Variants in UTRN observed in about 807,000 individuals in gnomAD.
The protein encoded by UTRN is utrophin.
UTRN carries 283 observed loss-of-function variants against 463.9 expected under a neutral mutation model. That is an observed-to-expected ratio of 0.61 (90% confidence interval 0.55 to 0.67). UTRN has a LOEUF of 0.67. Ranked by LOEUF, UTRN falls within the 30% of genes least tolerant of loss-of-function variation. The probability of loss-of-function intolerance (pLI) is 0.00; values close to 1 mark genes in which losing one functional copy is unlikely to be tolerated. For missense variants in UTRN, 3,922 were observed against 4,084.3 expected, an observed-to-expected ratio of 0.96 and a Z score of 1.08; for synonymous variants, 1,442 against 1,431.5, an observed-to-expected ratio of 1.01 and a Z score of -0.17.
At chr6:144,446,790 C>T (rs1168734552) in intron 14 of UTRN, among the ~76,000 whole-genome samples, 2 of 152,224 alleles carry the variant, frequency 1.3e-5, no homozygotes, top group East Asian at 1.9e-4. Flanking sequence ...CATTAACTAT[C>T]CAAGTGATCT....
At chr6:144,488,227 A>G (rs1163672376) in intron 29 of UTRN, among the ~76,000 whole-genome samples, 2 of 152,290 alleles carry the variant, frequency 1.3e-5, no homozygotes, top group African/African-American at 4.8e-5. Flanking sequence ...AGTGCTGTAA[A>G]TAGTAGTTTG....
intron 2 of UTRN, among the ~76,000 whole-genome samples, chr6:144,327,771 C>T (rs921461232): frequency 2.6e-5 from 4 of 151,864 alleles, no homozygotes; most frequent in South Asian, 2.1e-4. Flanking sequence ...GGCAAAACCC[C>T]GTCTCTACTA....
intron 39 of UTRN, among the ~76,000 whole-genome samples, chr6:144,518,644 C>G (rs1795832921): frequency 6.6e-6 from 1 of 152,120 alleles, no homozygotes; most frequent in Non-Finnish European, 1.5e-5. Flanking sequence ...TATCTTTCTT[C>G]CCTAATGCTT....
chr6:144,470,488 T>A (rs1350040254), intron 23 of UTRN, among the ~76,000 whole-genome samples: 2 of 148,460 alleles, frequency 1.3e-5, no homozygotes, highest in Admixed American at 1.3e-4. Flanking sequence ...GCAGAGACGC[T>A]CCCCACATCC....
chr6:144,670,227 C>G (rs1164338629), intron 51 of UTRN, among the ~76,000 whole-genome samples: 1 of 152,114 alleles, frequency 6.6e-6, no homozygotes, highest in African/African-American at 2.4e-5. Flanking sequence ...AGTGGTTGTA[C>G]TAGTTTATGC....
chr6:144,803,593 A>C (rs952081577), intron 65 of UTRN, among the ~76,000 whole-genome samples: 2 of 151,934 alleles, frequency 1.3e-5, no homozygotes, highest in African/African-American at 4.8e-5. Context: ...ATTTATATTT[A>C]TATTTATGTA....
intron 2 of UTRN, among the ~76,000 whole-genome samples, chr6:144,384,682 T>G (rs918790961): frequency 1.3e-5 from 2 of 152,230 alleles, no homozygotes; most frequent in Non-Finnish European, 2.9e-5. Context: ...TGACTGGCTG[T>G]GTCACTTAGC....
chr6:144,303,280 G>A (rs1197297393), intron 2 of UTRN, among the ~76,000 whole-genome samples: 1 of 152,180 alleles, frequency 6.6e-6, no homozygotes, highest in Non-Finnish European at 1.5e-5. Context: ...TGTGGGATTT[G>A]TTAGTTAGTA....
chr6:144,742,595 TAC>T (rs1301841205), intron 54 of UTRN, among the ~76,000 whole-genome samples: 1 of 152,176 alleles, frequency 6.6e-6, no homozygotes, highest in Non-Finnish European at 1.5e-5. Flanking sequence ...TGAAAATCTC[TAC>T]AGATATCTAA....
intron 23 of UTRN, among the ~76,000 whole-genome samples, chr6:144,464,752 G>A (rs1242152518): frequency 1.3e-5 from 2 of 151,972 alleles, no homozygotes; most frequent in East Asian, 1.9e-4. Flanking sequence ...CACCCTCCTC[G>A]GCCTCCCAAA....
At chr6:144,833,627 C>A (rs1780857378) in intron 69 of UTRN, among the ~76,000 whole-genome samples, 1 of 152,152 alleles carries the variant, frequency 6.6e-6, no homozygotes, top group African/African-American at 2.4e-5. Flanking sequence ...TCTACTATAT[C>A]TTTACGCTTT....
At chr6:144,594,346 C>G (rs1034419600) in intron 51 of UTRN, among the ~76,000 whole-genome samples, 1 of 152,158 alleles carries the variant, frequency 6.6e-6, no homozygotes, top group Non-Finnish European at 1.5e-5. Context: ...ACTGTAGTAT[C>G]TTTCACTACA....
intron 47 of UTRN, among the ~76,000 whole-genome samples, chr6:144,550,426 A>G (rs1160236238): frequency 1.3e-5 from 2 of 152,132 alleles, no homozygotes; most frequent in Non-Finnish European, 1.5e-5. Context: ...TGTTGTTACC[A>G]TTTCTCCCAT....
chr6:144,549,009 C>T (rs1450461370), intron 47 of UTRN, among the ~76,000 whole-genome samples, 155 bp downstream of exon 47: 2 of 152,170 alleles, frequency 1.3e-5, no homozygotes, highest in Non-Finnish European at 2.9e-5. Flanking sequence ...AACTACAAAG[C>T]ATAGAGCTTT....
At chr6:144,402,521 C>T (rs897009548) in intron 2 of UTRN, among the ~76,000 whole-genome samples, 3 of 151,804 alleles carry the variant, frequency 2.0e-5, no homozygotes, top group Admixed American at 6.6e-5. Context: ...AAAACCAAAA[C>T]GGATAATGGT....
intron 2 of UTRN, among the ~76,000 whole-genome samples, chr6:144,344,797 T>C (rs1246101988): frequency 6.6e-6 from 1 of 152,216 alleles, no homozygotes; most frequent in Non-Finnish European, 1.5e-5. Context: ...CGTTTGTACT[T>C]TGGGGGACAG....
intron 53 of UTRN, among the ~76,000 whole-genome samples, chr6:144,722,331 T>TTTC: frequency 6.6e-6 from 1 of 151,826 alleles, no homozygotes; most frequent in East Asian, 1.9e-4. Context: ...TTTTTTTTTT[T>TTTC]AAATATCGCT....
chr6:144,433,303 C>T (rs1381211741), intron 9 of UTRN, among the ~76,000 whole-genome samples: 2 of 149,560 alleles, frequency 1.3e-5, no homozygotes. Context: ...GGGCGGCTGG[C>T]CGGGTGGGGG....
chr6:144,774,960 G>GTATA (rs1775190176), intron 60 of UTRN, among the ~76,000 whole-genome samples: 1 of 152,194 alleles, frequency 6.6e-6, no homozygotes, highest in African/African-American at 2.4e-5. Context: ...AAGTAGCAGT[G>GTATA]TGAATACTTA....
Sources: gnomAD v4.1 joint callset for allele counts (sites outside exome capture counted in the v4.1 genomes callset) on GRCh38, gnomAD v4.1.1 for gene constraint, MANE v1.5 for transcripts, NCBI Gene and HGNC (gene_info 2026-07-23, HGNC 2026-07-21) for gene names.